Variants in FKRP observed in about 807,000 individuals in gnomAD.
The protein encoded by FKRP is fukutin related protein.
A neutral mutation model predicts 30.6 loss-of-function variants in FKRP; 25 were observed. The observed-to-expected ratio is 0.82, with a 90% CI of 0.60 to 1.14. FKRP has a LOEUF of 1.14. Among genes scored for constraint, FKRP ranks in the 50% most tolerant of loss-of-function variants. The probability of loss-of-function intolerance (pLI) is 0.00; values close to 1 mark genes in which losing one functional copy is unlikely to be tolerated. For missense variants in FKRP, 771 were observed against 727.8 expected (o/e 1.06, Z -0.68); for synonymous variants, 358 against 342.5 (o/e 1.05, Z -0.50).
At chr19:46,748,768 G>T (rs530862489) in intron 3 of FKRP, 103 bp downstream of exon 3, 15 of 152,062 alleles carry the variant, frequency 9.9e-5, no homozygotes, top group Non-Finnish European at 2.2e-4. Context: ...TGTTTGTTTT[G>T]AGACAGGGTC....
intron 2 of FKRP, among the ~76,000 whole-genome samples, 192 bp downstream of exon 2, chr19:46,748,280 C>T (rs974883370): frequency 1.3e-5 from 2 of 151,948 alleles, no homozygotes; most frequent in South Asian, 2.1e-4. Flanking sequence ...CTGGTTCAAG[C>T]GATTCTCCTG....
At chr19:46,750,221 C>T (rs1004893681) in intron 3 of FKRP, among the ~76,000 whole-genome samples, 4 of 152,178 alleles carry the variant, frequency 2.6e-5, no homozygotes, top group African/African-American at 7.2e-5. Context: ...CCCTTAGAGG[C>T]GGTGAAGTCT....
At chr19:46,746,043 G>GGCGGCC, upstream of FKRP, 1 of 1,161,900 alleles carries the variant, frequency 8.6e-7, no homozygotes, top group Non-Finnish European at 1.1e-6. Context: ...CCCCCCGCCG[G>GGCGGCC]CCGTCCCGGC....
chr19:46,751,076 A>G (rs1369073242), intron 3 of FKRP, among the ~76,000 whole-genome samples: 5 of 143,900 alleles, frequency 3.5e-5, no homozygotes, highest in East Asian at 2.1e-4. Context: ...TTTTTTTTTT[A>G]AAGACAGACA....
chr19:46,753,097 C>T lies in FKRP; in HGVS notation c.-39-2315C>T, dbSNP rs374920041. 2.7e-4 allele frequency among the ~76,000 whole-genome samples: 40 copies of T among 147,096 alleles called. 1 individual carries two copies. Among genetic ancestry groups the T allele is most frequent in the Admixed American group, 1.0e-3 (15 of 14,704 alleles). ...AAGAGAATCGCTTGAACCCTGGAGG[C>T]GGTGGTTGCAGTGAGCCAGTCGCAC... On this transcript the variant is annotated intron_variant, in intron 3 of 3. Coordinates refer to ENST00000318584, the MANE Select transcript of FKRP (RefSeq NM_024301.5).
In FKRP at chr19:46,755,401, C is replaced by G. The variant is rs775200982; in HGVS notation, c.-39-11C>G. ...TCAGCTGCTGCCTTCCCTTTCGTCC[C>G]CCTCCCCCAGGATGCCCCGGAGGCC... On this transcript the variant is annotated splice_polypyrimidine_tract_variant and intron_variant, in intron 3 of 3. Transcript: ENST00000318584. The G allele has an allele frequency of 6.5e-7, 1 of 1,538,736 alleles. No individual in the cohort carries two copies. The highest frequency in any genetic ancestry group is 1.4e-5 in the African/African-American group (1 of 73,042).
intron 3 of FKRP, chr19:46,754,185 A>G (rs1194217691): frequency 6.6e-6 from 1 of 151,910 alleles, no homozygotes; most frequent in African/African-American, 2.4e-5. Flanking sequence ...ACCATAGGTG[A>G]GTAGCACCAC....
In FKRP at chr19:46,755,860, C is replaced by T; in HGVS notation, c.410C>T (p.Ala137Val). The T allele has an allele frequency of 1.3e-6, 2 of 1,489,928 alleles. No homozygotes were observed. Among genetic ancestry groups the T allele is most frequent in the Non-Finnish European group, 1.8e-6 (2 of 1,122,792 alleles). The allele number at this position is 1,489,928 out of a possible 1,614,324, so 92.3% of individuals were successfully genotyped here. A position where few individuals can be genotyped will look rare whatever the true frequency, so the allele number is the denominator to read the frequency against. The change falls in exon 4 of 4, where the codon GCA (alanine) becomes GTA (valine). Residue 137 changes from alanine (A) to valine (V), a missense_variant. Transcript: ENST00000318584. ...GTACCTGATGGGGCGCGGGCTGAGG[C>T]ACCTGGCCTGCTGGAGCGCATGGTG... ...ALVPDGARAE[A>V]PGLLERMVEA...
rs867877678 is a variant in FKRP, at chr19:46,756,429, C to G, written c.979C>G (p.Arg327Gly). The change falls in exon 4 of 4, where the codon CGC becomes GGC. Residue 327 changes from arginine (R) to glycine (G), a missense_variant. Physicochemically the swap from Arg to Gly is moderately radical, Grantham distance 125. Coordinates refer to ENST00000318584, the MANE Select transcript of FKRP (RefSeq NM_024301.5). This position sits in a 1 kb window ranked among gnomAD's most constrained non-coding sequence, Gnocchi z 6.6. ...CCLRALRETARYVVGVLEAAG... is the reference protein window; with the variant it reads ...CCLRALRETAGYVVGVLEAAG... ...CCTGCGCGCGCTGCGCGAGACCGCC[C>G]GCTATGTGGTGGGCGTGCTGGAGGC... The G allele has an allele frequency of 2.5e-6, 4 of 1,583,126 alleles. No homozygotes were observed. Among genetic ancestry groups the G allele is most frequent in the Admixed American group, 1.8e-5 (1 of 54,458 alleles).
intron 3 of FKRP, chr19:46,754,103 C>G (rs1232513252): frequency 6.6e-6 from 1 of 152,204 alleles, no homozygotes; most frequent in African/African-American, 2.4e-5. Flanking sequence ...CTTGTCCAGG[C>G]TGAGTGCAGT....
intron 3 of FKRP, among the ~76,000 whole-genome samples, chr19:46,752,408 A>G (rs776370302): frequency 3.3e-5 from 5 of 152,118 alleles, no homozygotes; most frequent in Admixed American, 1.3e-4. Flanking sequence ...CACTAATGGG[A>G]GCTCCACAAG....
chr19:46,746,841 C>G (rs1255133787), intron 1 of FKRP: 3 of 152,358 alleles, frequency 2.0e-5, no homozygotes. Flanking sequence ...GTGGCCCCAT[C>G]CTCTCTGATT....
intron 3 of FKRP, among the ~76,000 whole-genome samples, chr19:46,753,039 G>A (rs185002799): frequency 4.6e-5 from 7 of 151,804 alleles, no homozygotes; most frequent in African/African-American, 9.7e-5. Context: ...GGTGGCACGC[G>A]CCTGTAGTCC....
At chr19:46,748,850 T>TCA (rs1237704380) in intron 3 of FKRP, 185 bp downstream of exon 3, 1 of 152,220 alleles carries the variant, frequency 6.6e-6, no homozygotes, top group Non-Finnish European at 1.5e-5. Context: ...CAAGTGATTC[T>TCA]CACACCTCAG....
rs1161328605 is a variant in FKRP at position 46,755,440 on chromosome 19, A to T, written c.-11A>T. 6.2e-7 allele frequency: 1 copy of T among 1,601,146 alleles called. No homozygotes were observed. ...GCCCCGGAGGCCCAGCTAGCCCCAG[A>T]CTTCGGCCCCATGCGGCTCACCCGC... On this transcript the variant is annotated 5_prime_UTR_variant, in exon 4 of 4. Coordinates refer to ENST00000318584, the MANE Select transcript of FKRP (RefSeq NM_024301.5).
Position 46,746,375 on chromosome 19 carries a change from G to T in FKRP, c.-253+285G>T, listed in dbSNP as rs1462958696. On this transcript the variant is annotated intron_variant, in intron 1 of 3. Transcript: ENST00000318584. ...GCCAGGGCCCGCGCCTGAGCCGAGCGGACGGCAGGAGGAGGCGGCGGCGGC... is the reference window on the plus strand; with the variant it reads ...GCCAGGGCCCGCGCCTGAGCCGAGCTGACGGCAGGAGGAGGCGGCGGCGGC... 7.0e-6 allele frequency: 8 copies of T among 1,142,814 alleles called. No homozygotes were observed. In the South Asian group the frequency reaches 2.1e-4, roughly 30 times the overall value. The allele number at this position is 1,142,814 out of a possible 1,614,324, so 70.8% of individuals were successfully genotyped here. A position where few individuals can be genotyped will look rare whatever the true frequency, so the allele number is the denominator to read the frequency against.
chr19:46,752,547 T>G (rs564084928), intron 3 of FKRP, among the ~76,000 whole-genome samples: 2 of 152,186 alleles, frequency 1.3e-5, no homozygotes, highest in Non-Finnish European at 2.9e-5. Flanking sequence ...CAATCTAAGG[T>G]CCAGAAGGCA....
At chr19:46,745,603 A>C (rs1392657190), upstream of FKRP, among the ~76,000 whole-genome samples, 1 of 151,926 alleles carries the variant, frequency 6.6e-6, no homozygotes, top group African/African-American at 2.4e-5. Context: ...GCGGGTCCCA[A>C]GTTCCCCCCT....
At position 46,757,913 on chromosome 19, in the gene FKRP, T is replaced by A. The variant is rs1438619857; in HGVS notation, c.*975T>A. 4 of 167,004 alleles carry A rather than the reference T, an allele frequency of 2.4e-5. No homozygotes were observed. The highest frequency in any genetic ancestry group is 7.2e-5 in the African/African-American group (3 of 41,446). The allele number at this position is 167,004 out of a possible 1,614,324, so 10.3% of individuals were successfully genotyped here. On this transcript the variant is annotated 3_prime_UTR_variant, in exon 4 of 4. Coordinates refer to ENST00000318584, the MANE Select transcript of FKRP (RefSeq NM_024301.5). The stretch of plus-strand genomic sequence containing the variant: ...CATGCCAAGACCCCGTCTCTATTTT[T>A]AAAAAAGAAAAAGAACCGACTTCTG...
Sources: allele counts gnomAD v4.1 joint callset (sites outside exome capture counted in the v4.1 genomes callset), GRCh38; gene constraint gnomAD v4.1.1; non-coding constraint Gnocchi (gnomAD v3.1); transcripts MANE v1.5; gene names NCBI Gene and HGNC (gene_info 2026-07-23, HGNC 2026-07-21).